The following FLI1 variants were observed in gnomAD, a reference collection of about 807,000 sequenced individuals.
The protein encoded by FLI1 is Fli-1 proto-oncogene, ETS transcription factor.
In FLI1, 13 loss-of-function variants were observed where a neutral mutation model predicts 53.1. That is an observed-to-expected ratio of 0.24 (90% CI 0.16 to 0.39). The LOEUF is 0.39. FLI1 is among the 10% of genes least tolerant of loss of function. The pLI is 1.00. For missense variants in FLI1, 424 were observed against 600.5 expected, an observed-to-expected ratio of 0.71 and a Z score of 3.07; for synonymous variants, 244 against 236.7, an observed-to-expected ratio of 1.03 and a Z score of -0.28.
At chr11:128,802,652 G>C (rs1002325559) in intron 5 of FLI1, among the ~76,000 whole-genome samples, 2 of 152,238 alleles carry the variant, frequency 1.3e-5, no homozygotes, top group Non-Finnish European at 2.9e-5. Flanking sequence ...TGTTAGCCAA[G>C]CTTCTGCCAT....
chr11:128,704,323 A>G (rs1296062842), intron 1 of FLI1, among the ~76,000 whole-genome samples: 1 of 152,172 alleles, frequency 6.6e-6, no homozygotes, highest in Non-Finnish European at 1.5e-5. Context: ...AGGGGCTCTC[A>G]GCAGGTGCTT....
At chr11:128,748,317 G>A in intron 1 of FLI1, 1 of 939,784 alleles carries the variant, frequency 1.1e-6, no homozygotes, top group Non-Finnish European at 1.3e-6. Context: ...AGGCACTTGG[G>A]AGGGGGAATG....
intron 2 of FLI1, among the ~76,000 whole-genome samples, chr11:128,764,180 G>A (rs1160736779): frequency 1.3e-5 from 2 of 152,188 alleles, no homozygotes; most frequent in Non-Finnish European, 2.9e-5. Flanking sequence ...AGCCTAAAGA[G>A]GTAATCTTCA....
chr11:128,717,334 G>A (rs555901746), intron 1 of FLI1, among the ~76,000 whole-genome samples: 1 of 152,170 alleles, frequency 6.6e-6, no homozygotes, highest in Non-Finnish European at 1.5e-5. Context: ...AAAAGCACAC[G>A]CATGATGGTT....
chr11:128,743,199 G>A (rs1940212261), intron 1 of FLI1, among the ~76,000 whole-genome samples: 3 of 152,022 alleles, frequency 2.0e-5, no homozygotes, highest in South Asian at 4.1e-4. Context: ...ACCAGCCTAG[G>A]CAACATAGTA....
chr11:128,748,914 C>G (rs1191962785), intron 1 of FLI1, among the ~76,000 whole-genome samples: 4 of 152,158 alleles, frequency 2.6e-5, no homozygotes, highest in African/African-American at 4.8e-5. Flanking sequence ...GTAAAAGTTC[C>G]TTGGAAACTT....
intron 5 of FLI1, among the ~76,000 whole-genome samples, chr11:128,782,271 A>C (rs1480473864): frequency 6.6e-6 from 1 of 152,260 alleles, no homozygotes; most frequent in African/African-American, 2.4e-5. Flanking sequence ...GCAGGAAAAC[A>C]TGTTACTTTT....
At chr11:128,748,613 A>G (rs1940513133) in intron 1 of FLI1, among the ~76,000 whole-genome samples, 1 of 152,044 alleles carries the variant, frequency 6.6e-6, no homozygotes, top group Non-Finnish European at 1.5e-5. Flanking sequence ...AGCCTGGGCG[A>G]CAAGAGTGAA....
Position 128,694,167 on chromosome 11 carries a change from C to G in FLI1, c.-92C>G, listed in dbSNP as rs1937908713. The G allele has an allele frequency of 5.7e-6, 8 of 1,408,082 alleles. No homozygotes were observed. Among genetic ancestry groups the G allele is most frequent in the Non-Finnish European group, 7.5e-6 (8 of 1,059,720 alleles). 87.2% of individuals were successfully genotyped at this position (1,408,082 alleles called of 1,614,324 possible). A position where few individuals can be genotyped will look rare whatever the true frequency, so the allele number is the denominator to read the frequency against. ...GGGAGGGCCCAGGGCGCCAGGGAGG[C>G]CGCGCCGGGCTAATCCGAAGGGGCT... On this transcript the variant is annotated 5_prime_UTR_variant, in exon 1 of 9. Transcript: ENST00000527786.
intron 3 of FLI1, among the ~76,000 whole-genome samples, chr11:128,768,688 CAAA>C (rs34066469): frequency 0.014 from 1,050 of 77,758 alleles, 15 homozygotes; most frequent in African/African-American, 0.049. Flanking sequence ...GACTCTGTCT[CAAA>C]AAAAAAAAAA....
At chr11:128,694,810 G>A (rs893389286) in intron 1 of FLI1, among the ~76,000 whole-genome samples, 3 of 152,264 alleles carry the variant, frequency 2.0e-5, no homozygotes, top group South Asian at 4.1e-4. Context: ...GTGTGTCGGG[G>A]GATCTATCTG....
chr11:128,688,504 C>CCAAG (rs1485403386), intron 1 of FLI1, among the ~76,000 whole-genome samples: 2 of 152,186 alleles, frequency 1.3e-5, no homozygotes, highest in African/African-American at 4.8e-5. Context: ...TTGCAGGCTG[C>CCAAG]CAAGCCCCTG....
chr11:128,742,779 G>C (rs1489801427), intron 1 of FLI1, among the ~76,000 whole-genome samples: 1 of 152,176 alleles, frequency 6.6e-6, no homozygotes, highest in African/African-American at 2.4e-5. Context: ...TTTGTTTCTT[G>C]ATCCTGATTT....
At chr11:128,767,874 A>G (rs1941401898) in intron 2 of FLI1, among the ~76,000 whole-genome samples, 1 of 152,232 alleles carries the variant, frequency 6.6e-6, no homozygotes, top group Non-Finnish European at 1.5e-5. Flanking sequence ...CCTTGGTCTG[A>G]GGGCACTGAG....
At position 128,694,244 on chromosome 11, in the gene FLI1, T is replaced by A. The variant is rs1219807761; in HGVS notation, c.-15T>A. ...TGTGTGGAATATTGGGGGGCTCGGCTGCAGACTTGGCCAAATGGACGGGAC... is the reference window on the plus strand; with the variant it reads ...TGTGTGGAATATTGGGGGGCTCGGCAGCAGACTTGGCCAAATGGACGGGAC... On this transcript the variant is annotated 5_prime_UTR_variant, in exon 1 of 9. Coordinates refer to ENST00000527786, the MANE Select transcript of FLI1 (RefSeq NM_002017.5). 3 of 1,490,884 alleles carry A rather than the reference T, an allele frequency of 2.0e-6. No homozygotes were observed. The highest frequency in any genetic ancestry group is 2.7e-6 in the Non-Finnish European group (3 of 1,117,964). 92.4% of individuals were successfully genotyped at this position (1,490,884 alleles called of 1,614,324 possible).
intron 1 of FLI1, 91 bp downstream of exon 1, chr11:128,694,367 A>G: frequency 9.6e-7 from 1 of 1,040,154 alleles, no homozygotes; most frequent in Non-Finnish European, 1.3e-6. Flanking sequence ...GTCCCGGAAG[A>G]CGTGGCCTCT....
intron 1 of FLI1, among the ~76,000 whole-genome samples, chr11:128,718,622 T>A (rs1939119648): frequency 1.3e-5 from 2 of 152,218 alleles, no homozygotes; most frequent in African/African-American, 4.8e-5. Context: ...ATTATTTGGA[T>A]GAGTTATTGT....
chr11:128,740,639 C>T (rs538443150), intron 1 of FLI1, among the ~76,000 whole-genome samples: 4 of 152,300 alleles, frequency 2.6e-5, no homozygotes, highest in East Asian at 1.9e-4. Context: ...GGAGAAGCCC[C>T]GCCCAAACTA....
chr11:128,688,411 C>T (rs1388891230), intron 1 of FLI1, among the ~76,000 whole-genome samples: 4 of 152,234 alleles, frequency 2.6e-5, no homozygotes, highest in African/African-American at 9.6e-5. Context: ...TTGATGGCGG[C>T]GAAAGGTCTG....
Sources: gnomAD v4.1 joint callset for allele counts (sites outside exome capture counted in the v4.1 genomes callset) on GRCh38, gnomAD v4.1.1 for gene constraint, MANE v1.5 for transcripts, NCBI Gene and HGNC (gene_info 2026-07-23, HGNC 2026-07-21) for gene names.